The following PLD4 variants were observed in gnomAD, a reference collection of about 807,000 sequenced individuals.
PLD4 encodes 5'-3' exonuclease PLD4.
Under a neutral mutation model 52.3 loss-of-function variants are expected in PLD4, and 54 were observed. The observed-to-expected ratio is 1.03, with a 90% confidence interval of 0.83 to 1.30. The LOEUF (loss-of-function observed/expected upper bound fraction) is 1.30, where lower values mean the gene tolerates loss of function less well. Ranked by LOEUF, PLD4 falls within the 50% of genes most tolerant of loss-of-function variation. The pLI is 0.00. For synonymous variants in PLD4, 264 were observed against 286.5 expected (o/e 0.92, Z 0.79); for missense variants, 731 against 671.1 (o/e 1.09, Z -0.99).
rs954199758 is a variant in PLD4 at position 104,933,140 on chromosome 14, G to GC, written c.*183dup. 70 of 702,298 alleles carry GC rather than the reference G, an allele frequency of 1.0e-4. No homozygotes were observed. Among genetic ancestry groups the GC allele is most frequent in the Middle Eastern group, 4.2e-4 (1 of 2,404 alleles). 43.5% of individuals were successfully genotyped at this position (702,298 alleles called of 1,614,324 possible). On this transcript the variant is annotated 3_prime_UTR_variant, in exon 11 of 11. Coordinates refer to ENST00000392593, the MANE Select transcript of PLD4 (RefSeq NM_138790.5). Reference sequence around the variant, plus strand: ...GCCTGCTCTCTGATTTCCGAGTCCAGCCCCCCCTGAGCCCCACCTCCTCCA... The same window carrying GC: ...GCCTGCTCTCTGATTTCCGAGTCCAGCCCCCCCCTGAGCCCCACCTCCTCCA...
Position 104,932,167 on chromosome 14 carries a change from C to A in PLD4, c.1214C>A (p.Ser405Tyr), listed in dbSNP as rs1897674183. ...QALSNPAANVSVDVKVFIVPV... is the reference protein window; with the variant it reads ...QALSNPAANVYVDVKVFIVPV... ...CTCAGCAACCCCGCGGCCAACGTCT[C>A]TGTGGACGTGGTGAGGGCGTGCTCC... The change falls in exon 9 of 11, where the codon TCT becomes TAT. Residue 405 changes from serine to tyrosine, a missense_variant. By Grantham distance (144) the Ser-to-Tyr change is moderately radical. Coordinates refer to ENST00000392593, the MANE Select transcript of PLD4 (RefSeq NM_138790.5). The surrounding 1 kb of genome is among the most constrained non-coding windows in gnomAD (Gnocchi z 6.5). 6.2e-7 allele frequency: 1 copy of A among 1,611,236 alleles called. No individual in the cohort carries two copies. Among genetic ancestry groups the A allele is most frequent in the African/African-American group, 1.3e-5 (1 of 74,906 alleles).
Position 104,928,831 on chromosome 14 carries a change from C to T in PLD4, c.367C>T (p.Leu123=). ...PSAQPLGQAW[L]QLLDTAQESV... is the part of the protein sequence containing the mutation. Reference sequence around the variant, plus strand: ...TGCCCAGCCTCTGGGCCAGGCCTGGCTGCAGCTGCTGGACACTGCCCAGGA... The same window carrying T: ...TGCCCAGCCTCTGGGCCAGGCCTGGTTGCAGCTGCTGGACACTGCCCAGGA... The change falls in exon 4 of 11, where the codon CTG becomes TTG. Residue 123 remains leucine (L), a synonymous_variant. Transcript: ENST00000392593. 1 of 1,612,236 alleles carries T rather than the reference C, an allele frequency of 6.2e-7. No homozygotes were observed. The highest frequency in any genetic ancestry group is 8.5e-7 in the Non-Finnish European group (1 of 1,179,416).
chr14:104,929,171 G>T, intron 4 of PLD4, 136 bp from the exon 5 acceptor site: 1 of 1,405,294 alleles, frequency 7.1e-7, no homozygotes, highest in Admixed American at 2.3e-5. Flanking sequence ...CTCACCAAGG[G>T]TCATCCAGAT....
Position 104,933,225 on chromosome 14 carries a change from ACTC to A in PLD4, c.*262_*264del. The A allele has an allele frequency of 2.5e-6, 1 of 402,260 alleles. No homozygotes were observed. The highest frequency in any genetic ancestry group is 6.8e-5 in the South Asian group (1 of 14,800). The allele number at this position is 402,260 out of a possible 1,614,324, so 24.9% of individuals were successfully genotyped here. A position where few individuals can be genotyped will look rare whatever the true frequency, so the allele number is the denominator to read the frequency against. ...GGCCCACAGGCCAGGCCTAAAAAAA[ACTC>A]GTGGCTTCCCGGTGCCTCTGTGTGA... On this transcript the variant is annotated 3_prime_UTR_variant, in exon 11 of 11. Transcript: ENST00000392593.
intron 1 of PLD4, among the ~76,000 whole-genome samples, chr14:104,926,886 C>T (rs574032232): frequency 1.3e-5 from 2 of 152,360 alleles, no homozygotes; most frequent in Admixed American, 1.3e-4. Context: ...GCCTTAACAG[C>T]AGTCCTTCCG....
intron 3 of PLD4, 76 bp downstream of exon 3, chr14:104,927,942 G>T: frequency 7.1e-7 from 1 of 1,413,218 alleles, no homozygotes; most frequent in South Asian, 1.4e-5. Context: ...CCTTGGATCT[G>T]CCCGTGAGAT....
chr14:104,932,016 T>C lies in PLD4; in HGVS notation c.1063T>C (p.Trp355Arg), dbSNP rs755486070. The C allele has an allele frequency of 1.3e-6, 2 of 1,592,278 alleles. No homozygotes were observed. Among genetic ancestry groups the C allele is most frequent in the South Asian group, 2.3e-5 (2 of 88,350 alleles). The change falls in exon 9 of 11, where the codon TGG (tryptophan) becomes CGG (arginine). Residue 355 changes from tryptophan (W) to arginine (R), a missense_variant. Physicochemically the swap from Trp to Arg is moderately radical, Grantham distance 101 (BLOSUM62 -3). Transcript: ENST00000392593. This position sits in a 1 kb window ranked among gnomAD's most constrained non-coding sequence, Gnocchi z 6.5. ...CCCGTCCCTCCCCACCCCAAGGTACTGGCCGGTGCTGGACAACGCGCTGCG... is the reference window on the plus strand; with the variant it reads ...CCCGTCCCTCCCCACCCCAAGGTACCGGCCGGTGCTGGACAACGCGCTGCG... Reference protein sequence around the residue: ...TTRFSHPPRYWPVLDNALRAA... With the variant: ...TTRFSHPPRYRPVLDNALRAA...
intron 1 of PLD4, among the ~76,000 whole-genome samples, chr14:104,925,256 C>A (rs1405028520): frequency 1.3e-5 from 2 of 152,250 alleles, no homozygotes; most frequent in African/African-American, 4.8e-5. Context: ...GGCAGGAAAT[C>A]TGGCACCTTC....
At chr14:104,934,627 C>T (rs72702018), downstream of PLD4, 316 of 152,328 alleles carry the variant, frequency 2.1e-3, no homozygotes, top group Non-Finnish European at 3.9e-3. Context: ...CGAATGCTCT[C>T]CCGGTCTTGA....
In PLD4 at chr14:104,928,847, C is replaced by T; in HGVS notation, c.383C>T (p.Thr128Ile). The change falls in exon 4 of 11, where the codon ACT becomes ATT. Residue 128 changes from threonine to isoleucine, a missense_variant. Thr to Ile is a moderately conservative substitution (Grantham distance 89). Coordinates refer to ENST00000392593, the MANE Select transcript of PLD4 (RefSeq NM_138790.5). ...CAGGCCTGGCTGCAGCTGCTGGACA[C>T]TGCCCAGGAGAGCGTCCACGTGGCT... ...LGQAWLQLLD[T>I]AQESVHVASY... The T allele has an allele frequency of 6.2e-7, 1 of 1,612,526 alleles. No homozygotes were observed.
intron 1 of PLD4, among the ~76,000 whole-genome samples, chr14:104,925,812 C>T (rs528558039): frequency 2.6e-4 from 39 of 151,990 alleles, no homozygotes; most frequent in Non-Finnish European, 5.0e-4. Flanking sequence ...GGGGTGGGGG[C>T]GGCACCCACC....
chr14:104,932,277 G>C lies in PLD4; in HGVS notation c.1243G>C (p.Val415Leu). 6.2e-7 allele frequency: 1 copy of C among 1,612,730 alleles called. No homozygotes were observed. Among genetic ancestry groups the C allele is most frequent in the Non-Finnish European group, 8.5e-7 (1 of 1,179,858 alleles). The change falls in exon 10 of 11, where the codon GTG becomes CTG. Residue 415 changes from valine (V) to leucine (L), a missense_variant. Physicochemically the swap from Val to Leu is conservative, Grantham distance 32 (BLOSUM62 1). Coordinates refer to ENST00000392593, the MANE Select transcript of PLD4 (RefSeq NM_138790.5). The surrounding 1 kb of genome is among the most constrained non-coding windows in gnomAD (Gnocchi z 6.5). ...SVDVKVFIVP[V>L]GNHSNIPFSR... is the part of the protein sequence containing the mutation. ...CCCTAAGAAAGTCTTCATCGTGCCG[G>C]TGGGGAACCATTCCAACATCCCATT...
Position 104,929,316 on chromosome 14 carries a change from C to T in PLD4, c.478C>T (p.Leu160Phe), listed in dbSNP as rs1303907162. The change falls in exon 5 of 11, where the codon CTT becomes TTT. Residue 160 changes from leucine to phenylalanine, a missense_variant. By Grantham distance (22) the Leu-to-Phe change is conservative. Transcript: ENST00000392593. Reference protein sequence around the residue: ...NDSSSQLGEALLQKLQQLLGR... With the variant: ...NDSSSQLGEAFLQKLQQLLGR... ...TGGCCTGGCCTTGCAGGGAGAGGCT[C>T]TTCTGCAGAAGCTGCAGCAGCTGCT... 2.5e-6 allele frequency: 4 copies of T among 1,582,634 alleles called. No homozygotes were observed. The highest frequency in any genetic ancestry group is 3.4e-6 in the Non-Finnish European group (4 of 1,164,928).
At position 104,933,081 on chromosome 14, in the gene PLD4, C is replaced by A; in HGVS notation, c.*117C>A. On this transcript the variant is annotated 3_prime_UTR_variant, in exon 11 of 11. Coordinates refer to ENST00000392593, the MANE Select transcript of PLD4 (RefSeq NM_138790.5). ...GCCCGGGTCCGCACTGCGCCAGGAG[C>A]CGCCTGCGACCGCCCGGGCGTCGCA... 2 of 1,194,978 alleles carry A rather than the reference C, an allele frequency of 1.7e-6. No individual in the cohort carries two copies. The highest frequency in any genetic ancestry group is 2.2e-6 in the Non-Finnish European group (2 of 899,636). 74.0% of individuals were successfully genotyped at this position (1,194,978 alleles called of 1,614,324 possible).
In PLD4 at chr14:104,927,179, A is replaced by G. The variant is rs1294625661; in HGVS notation, c.39A>G (p.Thr13=). 2 of 1,562,964 alleles carry G rather than the reference A, an allele frequency of 1.3e-6. No individual in the cohort carries two copies. The highest frequency in any genetic ancestry group is 1.7e-6 in the Non-Finnish European group (2 of 1,154,056). The stretch of plus-strand genomic sequence containing the variant: ...TTTGGAAAGCAGCAGTGGCCCCCAC[A>G]TGGCCATGCTCCATGCCGCCCCGCC... ...KPLWKAAVAP[T]WPCSMPPRRP... is the part of the protein sequence containing the mutation. The change falls in exon 2 of 11, where the codon ACA becomes ACG. Residue 13 remains threonine (T), a synonymous_variant. Coordinates refer to ENST00000392593, the MANE Select transcript of PLD4 (RefSeq NM_138790.5).
In PLD4 at chr14:104,927,880, T is replaced by G. The variant is rs1407829080; in HGVS notation, c.284+14T>G. On this transcript the variant is annotated intron_variant, in intron 3 of 10. Coordinates refer to ENST00000392593, the MANE Select transcript of PLD4 (RefSeq NM_138790.5). ...GGACTCCTGCCAGTAAGTGAGCCCA[T>G]GGAGGCCTGCGGGGGCAGGTCTCAG... 1.3e-6 allele frequency: 2 copies of G among 1,551,330 alleles called. No homozygotes were observed. Among genetic ancestry groups the G allele is most frequent in the Non-Finnish European group, 1.7e-6 (2 of 1,149,556 alleles).
chr14:104,931,683 G>T (rs1012747332), intron 7 of PLD4, 65 bp from the exon 8 acceptor site: 1 of 1,527,218 alleles, frequency 6.5e-7, no homozygotes. Flanking sequence ...GTGGTGCATG[G>T]TGGGGTCACA....
downstream of PLD4, chr14:104,934,523 T>G (rs1403688384): frequency 1.3e-5 from 2 of 152,196 alleles, no homozygotes; most frequent in African/African-American, 2.4e-5. Context: ...TACCCTCCCC[T>G]GGTGGAGGTC....
At chr14:104,930,618 C>T (rs1357649006) in intron 6 of PLD4, 124 bp from the exon 7 acceptor site, 4 of 995,150 alleles carry the variant, frequency 4.0e-6, no homozygotes, top group Non-Finnish European at 6.1e-6. Context: ...GGCAATGCTT[C>T]CCGCAAGTGG....
Sources: allele counts gnomAD v4.1 joint callset (sites outside exome capture counted in the v4.1 genomes callset), GRCh38; gene constraint gnomAD v4.1.1; non-coding constraint Gnocchi (gnomAD v3.1); transcripts MANE v1.5; gene names NCBI Gene and HGNC (gene_info 2026-07-23, HGNC 2026-07-21).